Variants in LSAMP observed in about 807,000 individuals in gnomAD.
LSAMP encodes limbic system-associated membrane protein.
A neutral mutation model predicts 38.6 loss-of-function variants in LSAMP; 7 were observed. The observed-to-expected ratio is 0.18, with a 90% CI of 0.10 to 0.34. The LOEUF (loss-of-function observed/expected upper bound fraction) is 0.34, where lower values mean the gene tolerates loss of function less well. LSAMP is among the 10% of genes least tolerant of loss of function. The probability of loss-of-function intolerance (pLI) is 1.00; values close to 1 mark genes in which losing one functional copy is unlikely to be tolerated. For missense variants in LSAMP, 313 were observed against 420.0 expected (o/e 0.75, Z 2.23); for synonymous variants, 154 against 166.8 (o/e 0.92, Z 0.59).
At chr3:115,938,230 C>T (rs1166765083) in intron 3 of LSAMP, among the ~76,000 whole-genome samples, 1 of 152,110 alleles carries the variant, frequency 6.6e-6, no homozygotes, top group Non-Finnish European at 1.5e-5. Flanking sequence ...TGACCCAGAA[C>T]TCTACTGAGC....
At chr3:116,013,448 A>C (rs1403408962) in intron 3 of LSAMP, among the ~76,000 whole-genome samples, 1 of 152,184 alleles carries the variant, frequency 6.6e-6, no homozygotes, top group East Asian at 1.9e-4. Context: ...GTATTGGGAA[A>C]ATATGTTTCA....
At chr3:116,255,678 G>A (rs2046740642) in intron 1 of LSAMP, among the ~76,000 whole-genome samples, 1 of 152,128 alleles carries the variant, frequency 6.6e-6, no homozygotes, top group Non-Finnish European at 1.5e-5. Flanking sequence ...AATCCCTGAA[G>A]GCCAGGCACT....
intron 1 of LSAMP, among the ~76,000 whole-genome samples, chr3:116,432,270 G>A (rs1300685799): frequency 1.3e-5 from 2 of 151,640 alleles, no homozygotes; most frequent in Non-Finnish European, 2.9e-5. Context: ...TTTTGTGTAC[G>A]TAAATTTTAT....
rs150705226 is a variant in LSAMP at position 116,273,683 on chromosome 3, C to CAGATATATATATATATATATATAT, written c.155+171193_155+171194insATATATATATATATATATATATCT. Among the ~76,000 whole-genome samples the CAGATATATATATATATATATATAT allele has an allele frequency of 3.6e-3, 183 of 50,338 alleles. 37 individuals are homozygous for CAGATATATATATATATATATATAT. The highest frequency in any genetic ancestry group is 0.021 in the African/African-American group (162 of 7,850). 33.0% of individuals were successfully genotyped at this position (50,338 alleles called of 152,430 possible). A position where few individuals can be genotyped will look rare whatever the true frequency, so the allele number is the denominator to read the frequency against. On this transcript the variant is annotated intron_variant, in intron 1 of 6. Transcript: ENST00000490035. ...GACCACCAAGAGAAAGAGAAAGAGG[C>CAGATATATATATATATATATATAT]ATATATATATATATATATATATATA...
At chr3:116,054,414 G>A (rs1028368783) in intron 2 of LSAMP, among the ~76,000 whole-genome samples, 5 of 152,070 alleles carry the variant, frequency 3.3e-5, no homozygotes, top group African/African-American at 1.2e-4. Context: ...TCCAGCGTGG[G>A]GGCATTATTC....
At position 116,276,650 on chromosome 3, in the gene LSAMP, G is replaced by A. The variant is rs571016237; in HGVS notation, c.155+168227C>T. ...GTACTTACATAACCAAATACCACCT[G>A]TACCCCAATAACCTATGGAAAAATA... On this transcript the variant is annotated intron_variant, in intron 1 of 6. Coordinates refer to ENST00000490035, the MANE Select transcript of LSAMP (RefSeq NM_002338.5). Among the ~76,000 whole-genome samples the A allele has an allele frequency of 6.2e-5, 9 of 144,306 alleles. No homozygotes were observed. In the East Asian group the frequency reaches 1.4e-3, roughly 23 times the overall value. 94.7% of individuals were successfully genotyped at this position (144,306 alleles called of 152,430 possible). A position where few individuals can be genotyped will look rare whatever the true frequency, so the allele number is the denominator to read the frequency against.
chr3:116,403,806 A>C (rs987949065), intron 1 of LSAMP, among the ~76,000 whole-genome samples: 1 of 151,676 alleles, frequency 6.6e-6, no homozygotes, highest in Admixed American at 6.6e-5. Context: ...GTTGGAGTGC[A>C]GGGGGGGTGA....
chr3:115,947,902 T>C (rs75017646), intron 3 of LSAMP, among the ~76,000 whole-genome samples: 23,304 of 152,208 alleles, frequency 0.15, 2,186 homozygotes, highest in Admixed American at 0.22. Context: ...AGCTGGCTGA[T>C]GGGAGGGCCA....
At chr3:116,437,932 G>C (rs2049377256) in intron 1 of LSAMP, among the ~76,000 whole-genome samples, 1 of 151,836 alleles carries the variant, frequency 6.6e-6, no homozygotes, top group Non-Finnish European at 1.5e-5. Flanking sequence ...TAATCTCCAA[G>C]GCCTTTCCTA....
chr3:116,367,495 CT>C (rs751600891), intron 1 of LSAMP, among the ~76,000 whole-genome samples: 9,146 of 133,228 alleles, frequency 0.069, 500 homozygotes, highest in African/African-American at 0.2. Context: ...TATTTTCTTC[CT>C]TTTTTTTTTT....
chr3:116,054,408 G>A (rs1332001795), intron 2 of LSAMP, among the ~76,000 whole-genome samples: 2 of 152,102 alleles, frequency 1.3e-5, no homozygotes, highest in Admixed American at 6.6e-5. Flanking sequence ...AACATCTCCA[G>A]CGTGGGGGCA....
chr3:116,057,021 T>C (rs1050592487), intron 2 of LSAMP, among the ~76,000 whole-genome samples: 9 of 152,294 alleles, frequency 5.9e-5, no homozygotes, highest in African/African-American at 2.2e-4. Flanking sequence ...GGATCCTTTA[T>C]GAGGTTTGCA....
At chr3:115,842,880 A>C (rs1194976759) in intron 4 of LSAMP, among the ~76,000 whole-genome samples, 1 of 152,240 alleles carries the variant, frequency 6.6e-6, no homozygotes, top group Non-Finnish European at 1.5e-5. Flanking sequence ...TGGTATTACA[A>C]TTACAGATTA....
At chr3:116,107,766 T>G (rs1021650191) in intron 1 of LSAMP, among the ~76,000 whole-genome samples, 14 of 152,088 alleles carry the variant, frequency 9.2e-5, no homozygotes, top group Non-Finnish European at 1.5e-4. Context: ...AGGCTGGGAT[T>G]AAGGGTGCAA....
chr3:116,148,532 G>T (rs1017709611), intron 1 of LSAMP, among the ~76,000 whole-genome samples: 1 of 151,888 alleles, frequency 6.6e-6, no homozygotes, highest in African/African-American at 2.4e-5. Context: ...GTTGTTTGGG[G>T]GCACAAACCA....
intron 1 of LSAMP, among the ~76,000 whole-genome samples, chr3:116,197,532 C>T (rs753118697): frequency 6.6e-6 from 1 of 152,176 alleles, no homozygotes; most frequent in Non-Finnish European, 1.5e-5. Context: ...AAGCACTGTG[C>T]CAACTCTTCA....
At chr3:116,133,737 T>C (rs1008366338) in intron 1 of LSAMP, among the ~76,000 whole-genome samples, 1 of 152,210 alleles carries the variant, frequency 6.6e-6, no homozygotes, top group African/African-American at 2.4e-5. Flanking sequence ...AAAATCCTTT[T>C]TTCATGAAGT....
chr3:116,349,353 A>G (rs934872525), intron 1 of LSAMP, among the ~76,000 whole-genome samples: 1 of 152,026 alleles, frequency 6.6e-6, no homozygotes, highest in African/African-American at 2.4e-5. Context: ...TTTAAAAAAT[A>G]TATTAGATAT....
chr3:115,827,758 T>A (rs1335601782), intron 6 of LSAMP, among the ~76,000 whole-genome samples: 2 of 152,288 alleles, frequency 1.3e-5, no homozygotes, highest in Middle Eastern at 3.4e-3. Flanking sequence ...TAGTGAGTAG[T>A]CTGCCTACTC....
Sources: gnomAD v4.1 joint callset for allele counts (sites outside exome capture counted in the v4.1 genomes callset) on GRCh38, gnomAD v4.1.1 for gene constraint, MANE v1.5 for transcripts, NCBI Gene and HGNC (gene_info 2026-07-23, HGNC 2026-07-21) for gene names.